The following ABI1 variants were observed in gnomAD, a reference collection of about 807,000 sequenced individuals.
ABI1 encodes the protein abl interactor 1.
Under a neutral mutation model 54.6 loss-of-function variants are expected in ABI1, and 14 were observed. The ratio of observed to expected loss-of-function variants is 0.26; its 90% CI spans 0.17 to 0.40. ABI1 has a LOEUF of 0.40. Among genes scored for constraint, ABI1 ranks in the 10% least tolerant of loss-of-function variants. The pLI, the probability that ABI1 is intolerant of heterozygous loss-of-function variation, is 1.00. For missense variants in ABI1, 443 were observed against 598.3 expected, an observed-to-expected ratio of 0.74 and a Z score of 2.71; for synonymous variants, 194 against 209.3, an observed-to-expected ratio of 0.93 and a Z score of 0.63.
chr10:26,761,661 T>TATACACAC lies in ABI1; in HGVS notation c.821-2424_821-2423insGTGTGTAT, dbSNP rs1375832167. 7.2e-3 allele frequency among the ~76,000 whole-genome samples: 566 copies of TATACACAC among 78,594 alleles called. 6 individuals carry two copies. The highest frequency in any genetic ancestry group is 0.01 in the Admixed American group (67 of 6,682). 51.6% of individuals were successfully genotyped at this position (78,594 alleles called of 152,430 possible). A position where few individuals can be genotyped will look rare whatever the true frequency, so the allele number is the denominator to read the frequency against. Reference sequence around the variant, plus strand: ...ATATATATATATATATATATATATATACACACACACATACACATATATAAC... The same window carrying TATACACAC: ...ATATATATATATATATATATATATATATACACACACACACACACATACACATATATAAC... On this transcript the variant is annotated intron_variant, in intron 7 of 10. Coordinates refer to ENST00000376140, the MANE Select transcript of ABI1 (RefSeq NM_001012750.3).
intron 1 of ABI1, among the ~76,000 whole-genome samples, chr10:26,859,294 T>C (rs544777060): frequency 6.6e-6 from 1 of 151,646 alleles, no homozygotes; most frequent in East Asian, 1.9e-4. Flanking sequence ...GAAGATACAA[T>C]GTTACTAACA....
At chr10:26,796,317 T>C (rs4463751) in intron 2 of ABI1, among the ~76,000 whole-genome samples, 9,349 of 152,290 alleles carry the variant, frequency 0.061, 428 homozygotes, top group East Asian at 0.19. Context: ...ACCACATATA[T>C]ATCACACCAC....
intron 7 of ABI1, among the ~76,000 whole-genome samples, chr10:26,763,082 A>G (rs926262952): frequency 1.4e-4 from 22 of 152,108 alleles, no homozygotes; most frequent in African/African-American, 4.3e-4. Context: ...TTTTTTTCTC[A>G]CAGATTTTCT....
At chr10:26,826,432 A>C (rs2048309365) in intron 1 of ABI1, among the ~76,000 whole-genome samples, 1 of 152,204 alleles carries the variant, frequency 6.6e-6, no homozygotes, top group South Asian at 2.1e-4. Flanking sequence ...AAAGAGCACA[A>C]GCAGAGCAGA....
intron 1 of ABI1, among the ~76,000 whole-genome samples, chr10:26,824,463 C>A (rs776094199): frequency 5.3e-5 from 8 of 152,078 alleles, no homozygotes; most frequent in Non-Finnish European, 1.0e-4. Context: ...AGACTGGAAA[C>A]AACCCATATA....
chr10:26,827,490 G>A (rs1411516956), intron 1 of ABI1, among the ~76,000 whole-genome samples: 1 of 150,662 alleles, frequency 6.6e-6, no homozygotes, highest in Admixed American at 6.6e-5. Context: ...CAAAATGCAG[G>A]GGAATTACAG....
intron 1 of ABI1, among the ~76,000 whole-genome samples, chr10:26,851,357 T>TTC (rs2050374404): frequency 1.5e-5 from 2 of 136,390 alleles, no homozygotes; most frequent in Admixed American, 1.5e-4. Flanking sequence ...AATTTTTTTT[T>TTC]TTTTTTTTTT....
intron 2 of ABI1, among the ~76,000 whole-genome samples, chr10:26,784,666 G>GA (rs1209870264): frequency 6.6e-6 from 1 of 152,176 alleles, no homozygotes; most frequent in Admixed American, 6.5e-5. Flanking sequence ...CCTCCCTTCA[G>GA]AAAATGTGAT....
intron 1 of ABI1, among the ~76,000 whole-genome samples, chr10:26,858,735 T>TA (rs762228365): frequency 5.6e-4 from 83 of 149,506 alleles, no homozygotes; most frequent in South Asian, 1.5e-3. Context: ...CAGAGAGGGG[T>TA]AAAAAAAAAG....
intron 1 of ABI1, among the ~76,000 whole-genome samples, chr10:26,854,416 C>A (rs2050651063): frequency 6.8e-6 from 1 of 146,640 alleles, no homozygotes; most frequent in African/African-American, 2.6e-5. Context: ...TTCATAAGAA[C>A]TGATATGCTG....
intron 1 of ABI1, among the ~76,000 whole-genome samples, chr10:26,856,120 T>C (rs1303935862): frequency 2.0e-5 from 3 of 151,542 alleles, no homozygotes; most frequent in Non-Finnish European, 4.4e-5. Flanking sequence ...ACCCTGTCTC[T>C]ACTAAAAATG....
At chr10:26,802,968 G>A (rs1469587249) in intron 2 of ABI1, among the ~76,000 whole-genome samples, 1 of 152,174 alleles carries the variant, frequency 6.6e-6, no homozygotes, top group African/African-American at 2.4e-5. Context: ...GCATAGATCA[G>A]GAAGATCAAA....
At chr10:26,828,993 A>G (rs932306810) in intron 1 of ABI1, among the ~76,000 whole-genome samples, 7 of 151,740 alleles carry the variant, frequency 4.6e-5, no homozygotes, top group African/African-American at 9.7e-5. Flanking sequence ...TTGGGAGGCC[A>G]AGGCGGGCGG....
Position 26,751,679 on chromosome 10 carries a change from C to T in ABI1, c.1189G>A (p.Glu397Lys). ...PPPPPVDYED[E>K]EAAVVQYNDP... ...TTATACTGAACTACTGCAGCCTCCTCATCTTCATAATCCACTGGTGGTGGT... is the reference window on the plus strand; with the variant it reads ...TTATACTGAACTACTGCAGCCTCCTTATCTTCATAATCCACTGGTGGTGGT... The change falls in exon 10 of 11, where the codon GAG (glutamate) becomes AAG (lysine). Residue 397 changes from glutamate to lysine, a missense_variant. Physicochemically the swap from Glu to Lys is moderately conservative, Grantham distance 56. Coordinates refer to ENST00000376140, the MANE Select transcript of ABI1 (RefSeq NM_001012750.3). The T allele has an allele frequency of 6.2e-7, 1 of 1,614,038 alleles. No homozygotes were observed. The highest frequency in any genetic ancestry group is 1.3e-5 in the African/African-American group (1 of 75,032).
At chr10:26,834,244 G>GA (rs909731353) in intron 1 of ABI1, among the ~76,000 whole-genome samples, 1 of 150,946 alleles carries the variant, frequency 6.6e-6, no homozygotes, top group East Asian at 1.9e-4. Flanking sequence ...ATACAAAAAA[G>GA]AAAAAAAATT....
At chr10:26,799,715 G>A (rs993046180) in intron 2 of ABI1, among the ~76,000 whole-genome samples, 27 of 152,116 alleles carry the variant, frequency 1.8e-4, no homozygotes, top group African/African-American at 4.6e-4. Context: ...TTATTTATGC[G>A]TTAGAAGTTC....
chr10:26,842,531 T>A (rs1276833540), intron 1 of ABI1, among the ~76,000 whole-genome samples: 3 of 152,154 alleles, frequency 2.0e-5, no homozygotes, highest in African/African-American at 7.2e-5. Context: ...GTGAGCTTTT[T>A]AAAAAATTCC....
chr10:26,826,629 T>TC (rs1308427592), intron 1 of ABI1, among the ~76,000 whole-genome samples: 1 of 152,244 alleles, frequency 6.6e-6, no homozygotes, highest in African/African-American at 2.4e-5. Flanking sequence ...GAAGACTGTT[T>TC]CGTCTACATG....
intron 10 of ABI1, among the ~76,000 whole-genome samples, chr10:26,750,280 G>A (rs1340457770): frequency 6.6e-6 from 1 of 152,220 alleles, no homozygotes; most frequent in Non-Finnish European, 1.5e-5. Context: ...GATCACTTGA[G>A]GTCAGGAGTT....
Sources: allele counts gnomAD v4.1 joint callset (sites outside exome capture counted in the v4.1 genomes callset), GRCh38; gene constraint gnomAD v4.1.1; transcripts MANE v1.5; gene names NCBI Gene and HGNC (gene_info 2026-07-23, HGNC 2026-07-21).